The following ZBTB16 variants were observed in gnomAD, a reference collection of about 807,000 sequenced individuals.
The protein encoded by ZBTB16 is zinc finger and BTB domain containing 16.
Under a neutral mutation model 56.8 loss-of-function variants are expected in ZBTB16, and 8 were observed. The observed-to-expected ratio is 0.14, with a 90% confidence interval of 0.08 to 0.25. The LOEUF is 0.25. Ranked by LOEUF, ZBTB16 falls within the 10% of genes least tolerant of loss-of-function variation. The pLI, the probability that ZBTB16 is intolerant of heterozygous loss-of-function variation, is 1.00. For synonymous variants in ZBTB16, 363 were observed against 368.5 expected, an observed-to-expected ratio of 0.98 and a Z score of 0.17; for missense variants, 625 against 903.0, an observed-to-expected ratio of 0.69 and a Z score of 3.95.
chr11:114,219,914 C>A (rs533321892), intron 4 of ZBTB16, among the ~76,000 whole-genome samples: 1 of 152,272 alleles, frequency 6.6e-6, no homozygotes, highest in South Asian at 2.1e-4. Context: ...CTAAACCAGG[C>A]CACAGGACTG....
At chr11:114,240,693 C>T (rs1267207299) in intron 4 of ZBTB16, among the ~76,000 whole-genome samples, 3 of 152,150 alleles carry the variant, frequency 2.0e-5, no homozygotes, top group African/African-American at 7.2e-5. Flanking sequence ...ATACTTCCTC[C>T]TGTGGTGCTG....
At chr11:114,124,084 CGGGGGTAAT>C (rs1275996359) in intron 2 of ZBTB16, among the ~76,000 whole-genome samples, 3 of 151,752 alleles carry the variant, frequency 2.0e-5, no homozygotes, top group South Asian at 4.2e-4. Context: ...CGGAGATGGT[CGGGGGTAAT>C]GGGGAGTGAA....
chr11:114,124,084 CG>C (rs1317066357), intron 2 of ZBTB16, among the ~76,000 whole-genome samples: 1 of 151,752 alleles, frequency 6.6e-6, no homozygotes, highest in Non-Finnish European at 1.5e-5. Context: ...CGGAGATGGT[CG>C]GGGGTAATGG....
intron 2 of ZBTB16, among the ~76,000 whole-genome samples, chr11:114,096,545 T>C (rs1294859336): frequency 1.3e-5 from 2 of 152,188 alleles, no homozygotes; most frequent in Non-Finnish European, 2.9e-5. Context: ...TCAAAACATA[T>C]GCCTATGTTT....
At chr11:114,111,426 C>G (rs1327803966) in intron 2 of ZBTB16, among the ~76,000 whole-genome samples, 2 of 152,094 alleles carry the variant, frequency 1.3e-5, no homozygotes, top group Non-Finnish European at 2.9e-5. Context: ...CACATTTAAA[C>G]CAATAGAGAG....
At chr11:114,221,893 G>A (rs1275691026) in intron 4 of ZBTB16, among the ~76,000 whole-genome samples, 1 of 152,184 alleles carries the variant, frequency 6.6e-6, no homozygotes, top group Non-Finnish European at 1.5e-5. Flanking sequence ...TGAAATGTAT[G>A]GCCCAAGAGC....
At chr11:114,234,654 G>GAT (rs1944524970) in intron 4 of ZBTB16, among the ~76,000 whole-genome samples, 1 of 152,192 alleles carries the variant, frequency 6.6e-6, no homozygotes, top group African/African-American at 2.4e-5. Context: ...AGTCCTAAAT[G>GAT]ATAGCACAGG....
intron 2 of ZBTB16, among the ~76,000 whole-genome samples, chr11:114,149,533 G>A (rs1232586322): frequency 6.6e-6 from 1 of 152,070 alleles, no homozygotes; most frequent in Non-Finnish European, 1.5e-5. Context: ...TTAATCTGTT[G>A]TTTGAAATCC....
At chr11:114,070,947 C>T (rs1426060767) in intron 2 of ZBTB16, among the ~76,000 whole-genome samples, 3 of 152,166 alleles carry the variant, frequency 2.0e-5, no homozygotes, top group Non-Finnish European at 2.9e-5. Context: ...AGGAAGATGG[C>T]AGAAGGCTTT....
rs560048924 is a variant in ZBTB16, at chr11:114,143,572, T to G, written c.1269-12765T>G. On this transcript the variant is annotated intron_variant, in intron 2 of 6. Coordinates refer to ENST00000335953, the MANE Select transcript of ZBTB16 (RefSeq NM_006006.6). The surrounding 1 kb of genome is among the most constrained non-coding windows in gnomAD (Gnocchi z 6.4). Reference sequence around the variant, plus strand: ...ACACAAAAATGTAGAAAAAATACGCTAGTGACAGGTCCTCCCTCCATCCCA... The same window carrying G: ...ACACAAAAATGTAGAAAAAATACGCGAGTGACAGGTCCTCCCTCCATCCCA... 6.6e-6 allele frequency among the ~76,000 whole-genome samples: 1 copy of G among 152,258 alleles called. No individual in the cohort carries two copies. The highest frequency in any genetic ancestry group is 1.9e-4 in the East Asian group (1 of 5,186).
intron 2 of ZBTB16, among the ~76,000 whole-genome samples, chr11:114,096,950 ACC>A (rs1294230174): frequency 4.4e-4 from 67 of 151,554 alleles, no homozygotes; most frequent in South Asian, 1.3e-3. Context: ...ACACACACAC[ACC>A]CCCTAAATAA....
At chr11:114,220,611 G>T (rs138556669) in intron 4 of ZBTB16, among the ~76,000 whole-genome samples, 18 of 152,208 alleles carry the variant, frequency 1.2e-4, no homozygotes, top group Admixed American at 2.6e-4. Flanking sequence ...GTGTCAGTCT[G>T]ATTCATCAGT....
At chr11:114,210,660 GC>G (rs1943981410) in intron 4 of ZBTB16, 1 of 202,226 alleles carries the variant, frequency 4.9e-6, no homozygotes, top group South Asian at 2.5e-4. Context: ...GTTTGCCGGG[GC>G]TAGTTTAGAA....
In ZBTB16 at chr11:114,083,400, T is replaced by C. The variant is rs555796158; in HGVS notation, c.1268+18832T>C. ...CCACTGGAGGCTAGCTTTAAGAAATTGGTTTTGGAGACTCTGGCTTGAAAA... is the reference window on the plus strand; with the variant it reads ...CCACTGGAGGCTAGCTTTAAGAAATCGGTTTTGGAGACTCTGGCTTGAAAA... On this transcript the variant is annotated intron_variant, in intron 2 of 6. Coordinates refer to ENST00000335953, the MANE Select transcript of ZBTB16 (RefSeq NM_006006.6). 1.1e-4 allele frequency among the ~76,000 whole-genome samples: 17 copies of C among 152,246 alleles called. No individual in the cohort carries two copies. In the East Asian group the frequency reaches 3.1e-3, roughly 28 times the overall value.
chr11:114,119,959 T>C (rs1422266957), intron 2 of ZBTB16, among the ~76,000 whole-genome samples: 1 of 152,184 alleles, frequency 6.6e-6, no homozygotes, highest in Non-Finnish European at 1.5e-5. Flanking sequence ...AGTTGTTCAC[T>C]CTAGACTGAG....
At chr11:114,086,881 C>A (rs1195764100) in intron 2 of ZBTB16, among the ~76,000 whole-genome samples, 1 of 152,148 alleles carries the variant, frequency 6.6e-6, no homozygotes, top group Non-Finnish European at 1.5e-5. Context: ...CTTTCAATGG[C>A]AAAAACTGCA....
In ZBTB16 at chr11:114,174,312, G is replaced by GTT. The variant is rs11417322; in HGVS notation, c.1367-12627_1367-12626dup. Among the ~76,000 whole-genome samples the GTT allele has an allele frequency of 2.3e-3, 339 of 145,868 alleles. 3 individuals carry two copies. The East Asian group carries it at 0.031, about 14-fold the overall frequency. On this transcript the variant is annotated intron_variant, in intron 3 of 6. Coordinates refer to ENST00000335953, the MANE Select transcript of ZBTB16 (RefSeq NM_006006.6). ...TTCCCATGCTGCCATTCTGACTGAG[G>GTT]TTTTTTTTTTTTTTCTTTTATGTTT...
At chr11:114,199,602 G>T (rs1237686336) in intron 4 of ZBTB16, among the ~76,000 whole-genome samples, 1 of 152,218 alleles carries the variant, frequency 6.6e-6, no homozygotes, top group Non-Finnish European at 1.5e-5. Flanking sequence ...TCTTATCCTG[G>T]CTCTGCTATG....
chr11:114,085,622 T>C (rs1939933621), intron 2 of ZBTB16, among the ~76,000 whole-genome samples: 1 of 152,140 alleles, frequency 6.6e-6, no homozygotes, highest in Non-Finnish European at 1.5e-5. Context: ...TCAGGAGGGC[T>C]TCATGGAGGA....
Sources: allele counts gnomAD v4.1 joint callset (sites outside exome capture counted in the v4.1 genomes callset), GRCh38; gene constraint gnomAD v4.1.1; non-coding constraint Gnocchi (gnomAD v3.1); transcripts MANE v1.5; gene names NCBI Gene and HGNC (gene_info 2026-07-23, HGNC 2026-07-21).